The following PCLO variants were observed in gnomAD, a reference collection of about 807,000 sequenced individuals.
PCLO encodes the protein protein piccolo.
Under a neutral mutation model 427.5 loss-of-function variants are expected in PCLO, and 82 were observed. That is an observed-to-expected ratio of 0.19 (90% CI 0.16 to 0.23). PCLO has a LOEUF of 0.23. Ranked by LOEUF, PCLO falls within the 10% of genes least tolerant of loss-of-function variation. The probability of loss-of-function intolerance (pLI) is 1.00; values close to 1 mark genes in which losing one functional copy is unlikely to be tolerated. For missense variants in PCLO, 6,239 were observed against 6,115.9 expected (o/e 1.02, Z -0.67); for synonymous variants, 2,357 against 2,155.4 (o/e 1.09, Z -2.59).
At chr7:83,057,348 ATTTTTTTTTTTT>A (rs1199445166) in intron 3 of PCLO, among the ~76,000 whole-genome samples, 1 of 19,634 alleles carries the variant, frequency 5.1e-5, no homozygotes, top group African/African-American at 1.7e-4. Flanking sequence ...ATATATATAT[ATTTTTTTTTTTT>A]TTTTTTTTTT....
rs530313511 is a variant in PCLO, at chr7:82,756,552, A to G, written c.*2023T>C. The G allele has an allele frequency of 1.0e-3, 145 of 139,322 alleles. 2 individuals are homozygous for G. The highest frequency in any genetic ancestry group is 3.7e-3 in the African/African-American group (141 of 38,468). 8.6% of individuals were successfully genotyped at this position (139,322 alleles called of 1,614,324 possible). A position where few individuals can be genotyped will look rare whatever the true frequency, so the allele number is the denominator to read the frequency against. On this transcript the variant is annotated 3_prime_UTR_variant, in exon 25 of 25. Transcript: ENST00000333891. ...ATTCTGAAGTCATATATATATATAT[A>G]TATCCTGGGATATATTAGAAATTCT...
intron 2 of PCLO, among the ~76,000 whole-genome samples, chr7:83,142,038 T>TC (rs1442574607): frequency 6.7e-6 from 1 of 148,262 alleles, no homozygotes; most frequent in African/African-American, 2.5e-5. Context: ...CCTGCCCCCC[T>TC]CCCCCCGACA....
intron 22 of PCLO, among the ~76,000 whole-genome samples, chr7:82,762,164 A>G (rs1272465285): frequency 6.6e-6 from 1 of 152,076 alleles, no homozygotes; most frequent in Non-Finnish European, 1.5e-5. Context: ...TCATCAATAA[A>G]TATATAATTA....
At chr7:83,002,603 C>T (rs1183561577) in intron 3 of PCLO, among the ~76,000 whole-genome samples, 1 of 151,844 alleles carries the variant, frequency 6.6e-6, no homozygotes, top group Non-Finnish European at 1.5e-5. Flanking sequence ...ACCACTCCAA[C>T]ATCTTTTAAA....
chr7:82,906,233 C>G (rs1310564375), intron 8 of PCLO, among the ~76,000 whole-genome samples: 1 of 151,948 alleles, frequency 6.6e-6, no homozygotes, highest in African/African-American at 2.4e-5. Context: ...GTTTTAAAAG[C>G]AGATAAATTA....
chr7:82,792,487 C>T (rs1238551585), intron 22 of PCLO, among the ~76,000 whole-genome samples: 1 of 151,868 alleles, frequency 6.6e-6, no homozygotes, highest in Non-Finnish European at 1.5e-5. Context: ...GCCACCACAC[C>T]CAGCTAATTT....
At chr7:83,137,066 A>G (rs1446084188) in intron 2 of PCLO, among the ~76,000 whole-genome samples, 1 of 152,194 alleles carries the variant, frequency 6.6e-6, no homozygotes, top group Non-Finnish European at 1.5e-5. Context: ...AATGCTGCAC[A>G]ATGAAACAAT....
intron 22 of PCLO, among the ~76,000 whole-genome samples, chr7:82,794,169 C>A (rs1463254285): frequency 6.6e-6 from 1 of 151,946 alleles, no homozygotes; most frequent in Non-Finnish European, 1.5e-5. Flanking sequence ...ATCTTCTCTA[C>A]GTTTTCTGTT....
rs1789865159 is a variant in PCLO, at chr7:83,073,298, T to A, written c.3300+60952A>T. ...AAAATTATGGTTAAACTAACAGCCA[T>A]CATAATATAATGTGGAGCAAATATT... On this transcript the variant is annotated intron_variant, in intron 3 of 24. Transcript: ENST00000333891. 2.0e-5 allele frequency among the ~76,000 whole-genome samples: 3 copies of A among 152,056 alleles called. No homozygotes were observed. In the South Asian group the frequency reaches 6.2e-4, roughly 31 times the overall value.
At chr7:82,807,723 TA>T (rs1791483709) in intron 20 of PCLO, among the ~76,000 whole-genome samples, 1 of 151,996 alleles carries the variant, frequency 6.6e-6, no homozygotes, top group South Asian at 2.1e-4. Context: ...AAGAAATTGT[TA>T]ATAGTTAGTC....
At chr7:82,874,129 G>C (rs1340898441) in intron 10 of PCLO, among the ~76,000 whole-genome samples, 1 of 151,874 alleles carries the variant, frequency 6.6e-6, no homozygotes, top group African/African-American at 2.4e-5. Flanking sequence ...ACAATCCTGC[G>C]AGGAGTGACA....
chr7:83,123,681 G>T (rs1049800470), intron 3 of PCLO, among the ~76,000 whole-genome samples: 1 of 152,064 alleles, frequency 6.6e-6, no homozygotes, highest in East Asian at 1.9e-4. Flanking sequence ...AAAGTGAAGG[G>T]ACAACCCATA....
At chr7:82,884,911 A>C (rs1172710107) in intron 9 of PCLO, among the ~76,000 whole-genome samples, 1 of 152,192 alleles carries the variant, frequency 6.6e-6, no homozygotes. Context: ...TGATAAAATA[A>C]ATGTCAGTTT....
intron 22 of PCLO, among the ~76,000 whole-genome samples, chr7:82,798,811 T>C (rs1236668979): frequency 6.6e-6 from 1 of 152,212 alleles, no homozygotes; most frequent in East Asian, 1.9e-4. Context: ...GTCCAAAATG[T>C]TGCTACCAAA....
rs959937213 is a variant in PCLO at position 82,917,313 on chromosome 7, C to CT, written c.11113-441dup. 5.9e-5 allele frequency among the ~76,000 whole-genome samples: 9 copies of CT among 151,684 alleles called. No homozygotes were observed. In the South Asian group the frequency reaches 6.2e-4, roughly 11 times the overall value. On this transcript the variant is annotated intron_variant, in intron 6 of 24. Transcript: ENST00000333891. ...ATTACATCTTCAAATTATCTAATGT[C>CT]TTTTTTTTCTAAAAAAGGAATAATC... is the stretch of plus-strand genomic sequence containing the variant.
intron 10 of PCLO, among the ~76,000 whole-genome samples, chr7:82,866,685 C>G (rs1793101909): frequency 6.6e-6 from 1 of 151,838 alleles, no homozygotes; most frequent in Non-Finnish European, 1.5e-5. Flanking sequence ...CACACACACA[C>G]ACACACACAC....
At chr7:83,071,026 T>C (rs1413918841) in intron 3 of PCLO, among the ~76,000 whole-genome samples, 1 of 152,016 alleles carries the variant, frequency 6.6e-6, no homozygotes, top group Non-Finnish European at 1.5e-5. Flanking sequence ...TTTTTTTGGA[T>C]TTGAAAAGTT....
rs1243153855 is a variant in PCLO at position 82,754,110 on chromosome 7, C to T, written c.*4465G>A. ...ATACATCTTGTATACAATCACAAAA[C>T]CAAGACATATTTTTACATAGAGTAA... is the stretch of plus-strand genomic sequence containing the variant. On this transcript the variant is annotated 3_prime_UTR_variant, in exon 25 of 25. Coordinates refer to ENST00000333891, the MANE Select transcript of PCLO (RefSeq NM_033026.6). 1 of 152,056 alleles carries T rather than the reference C, an allele frequency of 6.6e-6. No individual in the cohort carries two copies. Among genetic ancestry groups the T allele is most frequent in the Admixed American group, 6.6e-5 (1 of 15,254 alleles). 9.4% of individuals were successfully genotyped at this position (152,056 alleles called of 1,614,324 possible). A position where few individuals can be genotyped will look rare whatever the true frequency, so the allele number is the denominator to read the frequency against.
At chr7:82,940,224 T>C (rs935301954) in intron 6 of PCLO, among the ~76,000 whole-genome samples, 13 of 152,208 alleles carry the variant, frequency 8.5e-5, no homozygotes, top group African/African-American at 1.9e-4. Context: ...AAGTGACCTA[T>C]TGAAATGACC....
Sources: gnomAD v4.1 joint callset for allele counts (sites outside exome capture counted in the v4.1 genomes callset) on GRCh38, gnomAD v4.1.1 for gene constraint, MANE v1.5 for transcripts, NCBI Gene and HGNC (gene_info 2026-07-23, HGNC 2026-07-21) for gene names.